The following CACNA1I variants were observed in gnomAD, a reference collection of about 807,000 sequenced individuals.
CACNA1I encodes the protein calcium voltage-gated channel subunit alpha1 I, also known as voltage-dependent T-type calcium channel subunit alpha-1I.
Under a neutral mutation model 201.6 loss-of-function variants are expected in CACNA1I, and 74 were observed. The observed-to-expected ratio is 0.37, with a 90% CI of 0.30 to 0.45. The LOEUF is 0.45. CACNA1I is among the 20% of genes least tolerant of loss of function. The pLI is 1.00. For missense variants in CACNA1I, 2,346 were observed against 3,138.1 expected, an observed-to-expected ratio of 0.75 and a Z score of 6.03; for synonymous variants, 1,431 against 1,345.2, an observed-to-expected ratio of 1.06 and a Z score of -1.40.
chr22:39,659,413 C>G lies in CACNA1I; in HGVS notation c.2331-20C>G, dbSNP rs374502781. The G allele has an allele frequency of 5.3e-5, 78 of 1,482,510 alleles. No individual in the cohort carries two copies. The highest frequency in any genetic ancestry group is 7.0e-5 in the Non-Finnish European group (76 of 1,083,350). 91.8% of individuals were successfully genotyped at this position (1,482,510 alleles called of 1,614,324 possible). A position where few individuals can be genotyped will look rare whatever the true frequency, so the allele number is the denominator to read the frequency against. On this transcript the variant is annotated intron_variant, in intron 12 of 36. Transcript: ENST00000402142. The surrounding 1 kb of genome is among the most constrained non-coding windows in gnomAD (Gnocchi z 4.3). ...TTTGGTGCATGTGAGTCCGATGAGC[C>G]TCTTCCATCCTTTCCCCAGCATCCT...
Position 39,670,695 on chromosome 22 carries a change from C to T in CACNA1I, c.4388-108C>T, listed in dbSNP as rs1452988336. On this transcript the variant is annotated intron_variant, in intron 25 of 36. Transcript: ENST00000402142. ...GGGCCTGGGGTGGATCAACATCTTC[C>T]TCTTTGCCCCCTCCCTTTCCTCCAC... 7.5e-6 allele frequency: 8 copies of T among 1,061,998 alleles called. No homozygotes were observed. In the African/African-American group the frequency reaches 1.2e-4, roughly 16 times the overall value. The allele number at this position is 1,061,998 out of a possible 1,614,324, so 65.8% of individuals were successfully genotyped here. A position where few individuals can be genotyped will look rare whatever the true frequency, so the allele number is the denominator to read the frequency against.
At chr22:39,604,666 C>G (rs991954904) in intron 3 of CACNA1I, among the ~76,000 whole-genome samples, 9 of 152,088 alleles carry the variant, frequency 5.9e-5, no homozygotes, top group Non-Finnish European at 2.9e-5. Flanking sequence ...CAGCCTCGCC[C>G]TCCCTGGACT....
At chr22:39,621,542 A>G in intron 4 of CACNA1I, among the ~76,000 whole-genome samples, 1 of 152,178 alleles carries the variant, frequency 6.6e-6, no homozygotes, top group African/African-American at 2.4e-5. Flanking sequence ...GAGCAAGGTG[A>G]CCAGGAGGGT....
intron 4 of CACNA1I, among the ~76,000 whole-genome samples, chr22:39,633,782 C>T (rs966102248): frequency 3.3e-5 from 5 of 152,186 alleles, no homozygotes; most frequent in Admixed American, 2.0e-4. Context: ...GGTGCCCCAC[C>T]AGCTCTTCAC....
Position 39,659,190 on chromosome 22 carries a change from C to T in CACNA1I, c.2330+74C>T. On this transcript the variant is annotated intron_variant, in intron 12 of 36. Transcript: ENST00000402142. This position sits in a 1 kb window ranked among gnomAD's most constrained non-coding sequence, Gnocchi z 4.3. ...GGGCGGGAGCCTGGGGGATGTGGTCCACTGTGCTTCTCTGGACAAAGCCAC... is the reference window on the plus strand; with the variant it reads ...GGGCGGGAGCCTGGGGGATGTGGTCTACTGTGCTTCTCTGGACAAAGCCAC... 5 of 1,564,644 alleles carry T rather than the reference C, an allele frequency of 3.2e-6. No individual in the cohort carries two copies. The highest frequency in any genetic ancestry group is 3.5e-6 in the Non-Finnish European group (4 of 1,152,388).
intron 4 of CACNA1I, among the ~76,000 whole-genome samples, chr22:39,621,876 C>T (rs1423358527): frequency 6.6e-6 from 1 of 152,122 alleles, no homozygotes; most frequent in East Asian, 1.9e-4. Context: ...CATTTTAGGG[C>T]CAGCTTCTCT....
In CACNA1I at chr22:39,639,985, C is replaced by T. The variant is rs182767881; in HGVS notation, c.741-882C>T. 2.7e-3 allele frequency among the ~76,000 whole-genome samples: 410 copies of T among 152,314 alleles called. 1 individual carries two copies. Among genetic ancestry groups the T allele is most frequent in the African/African-American group, 9.4e-3 (389 of 41,554 alleles). ...CCTAGAACCATCTGGGCAGGCTCCA[C>T]GGCCAAAATGTTGGGATTTTTGATT... On this transcript the variant is annotated intron_variant, in intron 5 of 36. Coordinates refer to ENST00000402142, the MANE Select transcript of CACNA1I (RefSeq NM_021096.4).
rs1935917238 is a variant in CACNA1I at position 39,687,328 on chromosome 22, T to C, written c.*923T>C. On this transcript the variant is annotated 3_prime_UTR_variant, in exon 37 of 37. Transcript: ENST00000402142. ...GGAGACTGAGCCGGCAGTGGCTTGC[T>C]TGGAGGGGCTAGGGTACCCGCCTGG... 1 of 152,086 alleles carries C rather than the reference T, an allele frequency of 6.6e-6. No homozygotes were observed. Among genetic ancestry groups the C allele is most frequent in the Non-Finnish European group, 1.5e-5 (1 of 68,052 alleles). 9.4% of individuals were successfully genotyped at this position (152,086 alleles called of 1,614,324 possible). A position where few individuals can be genotyped will look rare whatever the true frequency, so the allele number is the denominator to read the frequency against.
At chr22:39,611,208 C>T (rs757673327) in intron 3 of CACNA1I, among the ~76,000 whole-genome samples, 2 of 152,302 alleles carry the variant, frequency 1.3e-5, no homozygotes, top group South Asian at 2.1e-4. Context: ...GGCTTTTTTA[C>T]ACCCATGATG....
intron 2 of CACNA1I, among the ~76,000 whole-genome samples, chr22:39,598,525 A>C (rs574031132): frequency 1.3e-5 from 2 of 150,742 alleles, no homozygotes; most frequent in East Asian, 1.9e-4. Flanking sequence ...TCTTCCCTTT[A>C]TCTCTCCTCT....
Position 39,686,935 on chromosome 22 carries a change from G to C in CACNA1I, c.*530G>C, listed in dbSNP as rs2146491717. ...CCCTGGAGAAGAGGTGCAATTCAGG[G>C]TGTGTGTGTGTTTTTTTTCCTTTAA... is the stretch of plus-strand genomic sequence containing the variant. On this transcript the variant is annotated 3_prime_UTR_variant, in exon 37 of 37. Transcript: ENST00000402142. 1.3e-5 allele frequency: 2 copies of C among 151,908 alleles called. No homozygotes were observed. The highest frequency in any genetic ancestry group is 2.9e-5 in the Non-Finnish European group (2 of 67,950). 9.4% of individuals were successfully genotyped at this position (151,908 alleles called of 1,614,324 possible). A position where few individuals can be genotyped will look rare whatever the true frequency, so the allele number is the denominator to read the frequency against.
chr22:39,663,655 C>T, intron 18 of CACNA1I, 63 bp from the exon 19 acceptor site: 22 of 1,600,766 alleles, frequency 1.4e-5, no homozygotes, highest in Non-Finnish European at 1.9e-5. Context: ...GGGCCCTCTG[C>T]CTTCCTTCTG....
intron 1 of CACNA1I, among the ~76,000 whole-genome samples, chr22:39,574,050 G>A (rs934825625): frequency 3.9e-5 from 6 of 152,294 alleles, no homozygotes; most frequent in Non-Finnish European, 8.8e-5. Flanking sequence ...GGTGGGATAC[G>A]GACTCTCTTC....
intron 3 of CACNA1I, among the ~76,000 whole-genome samples, chr22:39,610,520 G>A (rs1933356621): frequency 6.6e-6 from 1 of 152,124 alleles, no homozygotes; most frequent in South Asian, 2.1e-4. Context: ...GTGTGATGTT[G>A]GGGGAAGTCA....
intron 4 of CACNA1I, among the ~76,000 whole-genome samples, 172 bp downstream of exon 4, chr22:39,619,579 G>T (rs1933666249): frequency 6.6e-6 from 1 of 150,752 alleles, no homozygotes; most frequent in Admixed American, 6.7e-5. Context: ...AGACAGATGT[G>T]CCCTGCTCCC....
At position 39,629,236 on chromosome 22, in the gene CACNA1I, T is replaced by TC. The variant is rs1236931286; in HGVS notation, c.581-5325dup. Among the ~76,000 whole-genome samples the TC allele has an allele frequency of 1.3e-5, 2 of 152,010 alleles. No individual in the cohort carries two copies. Among genetic ancestry groups the TC allele is most frequent in the Non-Finnish European group, 2.9e-5 (2 of 68,022 alleles). Reference sequence around the variant, plus strand: ...ATGACGCTCCCGGGCCAGACTGTTCTCCCCTGAACTCCAGACCCCAAGATC... The same window carrying TC: ...ATGACGCTCCCGGGCCAGACTGTTCTCCCCCTGAACTCCAGACCCCAAGATC... On this transcript the variant is annotated intron_variant, in intron 4 of 36. Transcript: ENST00000402142. This position sits in a 1 kb window ranked among gnomAD's most constrained non-coding sequence, Gnocchi z 4.8.
In CACNA1I at chr22:39,642,956, G is replaced by A. The variant is rs1461507912; in HGVS notation, c.1149+67G>A. 6.1e-6 allele frequency: 7 copies of A among 1,144,268 alleles called. No individual in the cohort carries two copies. The Admixed American group carries it at 1.4e-4, about 23-fold the overall frequency. The allele number at this position is 1,144,268 out of a possible 1,614,324, so 70.9% of individuals were successfully genotyped here. On this transcript the variant is annotated intron_variant, in intron 7 of 36. Transcript: ENST00000402142. ...CCATGGACCAGGGGACCTGAGGAGG[G>A]AGGGTCTTTGGGAGTCCCTAGGGAG...
In CACNA1I at chr22:39,687,114, T is replaced by C. The variant is rs977873351; in HGVS notation, c.*709T>C. ...GGTTAGATGTCTCTCTTTAGAAAAATCAGGGGTGAGTAGCTGTGTTTCCTT... is the reference window on the plus strand; with the variant it reads ...GGTTAGATGTCTCTCTTTAGAAAAACCAGGGGTGAGTAGCTGTGTTTCCTT... On this transcript the variant is annotated 3_prime_UTR_variant, in exon 37 of 37. Coordinates refer to ENST00000402142, the MANE Select transcript of CACNA1I (RefSeq NM_021096.4). The C allele has an allele frequency of 5.9e-5, 9 of 151,982 alleles. No homozygotes were observed. The highest frequency in any genetic ancestry group is 2.2e-4 in the African/African-American group (9 of 41,324). 9.4% of individuals were successfully genotyped at this position (151,982 alleles called of 1,614,324 possible). A position where few individuals can be genotyped will look rare whatever the true frequency, so the allele number is the denominator to read the frequency against.
At chr22:39,628,955 A>G (rs1229522221) in intron 4 of CACNA1I, among the ~76,000 whole-genome samples, 1 of 152,124 alleles carries the variant, frequency 6.6e-6, no homozygotes, top group Non-Finnish European at 1.5e-5. Flanking sequence ...TCTGCCAAGA[A>G]CACCCCAAAC....
Sources: allele counts gnomAD v4.1 joint callset (sites outside exome capture counted in the v4.1 genomes callset), GRCh38; gene constraint gnomAD v4.1.1; non-coding constraint Gnocchi (gnomAD v3.1); transcripts MANE v1.5; gene names NCBI Gene and HGNC (gene_info 2026-07-23, HGNC 2026-07-21).